UHRF2: variants seen among roughly 807,000 people sequenced by gnomAD.
The protein encoded by UHRF2 is E3 ubiquitin-protein ligase UHRF2.
A neutral mutation model predicts 96.8 loss-of-function variants in UHRF2; 23 were observed. That is an observed-to-expected ratio of 0.24 (90% CI 0.17 to 0.34). The LOEUF (loss-of-function observed/expected upper bound fraction) is 0.34, where lower values mean the gene tolerates loss of function less well. Among genes scored for constraint, UHRF2 ranks in the 10% least tolerant of loss-of-function variants. UHRF2 has a pLI of 1.00. For synonymous variants in UHRF2, 385 were observed against 332.6 expected (o/e 1.16, Z -1.72); for missense variants, 685 against 981.5 (o/e 0.70, Z 4.04).
chr9:6,484,622 G>A (rs1360190792), intron 8 of UHRF2: 1 of 145,894 alleles, frequency 6.9e-6, no homozygotes, highest in African/African-American at 2.5e-5. Flanking sequence ...ATATTGCCCA[G>A]ACTGATCTTG....
At chr9:6,489,443 C>G (rs1297711747) in intron 9 of UHRF2, among the ~76,000 whole-genome samples, 2 of 152,188 alleles carry the variant, frequency 1.3e-5, no homozygotes, top group Admixed American at 6.5e-5. Context: ...AGTGCAATTC[C>G]TGGGTCATAT....
intron 9 of UHRF2, among the ~76,000 whole-genome samples, chr9:6,488,611 C>T (rs547777060): frequency 1.4e-5 from 2 of 142,516 alleles, no homozygotes. Context: ...GCAATGGCGC[C>T]ATCTCAGTTC....
At position 6,413,657 on chromosome 9, in the gene UHRF2, G is replaced by C. The variant is rs1819419432; in HGVS notation, c.153+14G>C. The stretch of plus-strand genomic sequence containing the variant: ...CGGGGCAAGCAGGTGAGGCGCGCCC[G>C]CCGCGCCCCTAGCGAGGCTGGGGGC... On this transcript the variant is annotated intron_variant, in intron 1 of 15. Transcript: ENST00000276893. 1 of 1,563,846 alleles carries C rather than the reference G, an allele frequency of 6.4e-7. No homozygotes were observed. Among genetic ancestry groups the C allele is most frequent in the Non-Finnish European group, 8.6e-7 (1 of 1,158,324 alleles).
intron 10 of UHRF2, chr9:6,495,499 G>A (rs1448756070): frequency 6.6e-6 from 1 of 152,232 alleles, no homozygotes; most frequent in Non-Finnish European, 1.5e-5. Context: ...TTGCCCAGTA[G>A]TGTATGGTTG....
At chr9:6,458,683 A>G (rs1194226167) in intron 3 of UHRF2, among the ~76,000 whole-genome samples, 3 of 152,178 alleles carry the variant, frequency 2.0e-5, no homozygotes, top group Non-Finnish European at 1.5e-5. Flanking sequence ...AGAACCAGAA[A>G]TACCATTTGA....
Position 6,500,593 on chromosome 9 carries a change from T to G in UHRF2, c.2047T>G (p.Ser683Ala), listed in dbSNP as rs2130970028. ...CTCCAAAGTGTACAAAGCATCAGATTCAGCAGAAGCAATTGAGGCTTTTCA... is the reference window on the plus strand; with the variant it reads ...CTCCAAAGTGTACAAAGCATCAGATGCAGCAGAAGCAATTGAGGCTTTTCA... ...SASKVYKASD[S>A]AEAIEAFQLT... Residue 683 changes from serine (S) to alanine (A), a missense_variant, in exon 14 of 16, where the codon TCA (serine) becomes GCA (alanine). Physicochemically the swap from Ser to Ala is moderately conservative, Grantham distance 99. Transcript: ENST00000276893. 6.2e-7 allele frequency: 1 copy of G among 1,613,454 alleles called. No individual in the cohort carries two copies. Among genetic ancestry groups the G allele is most frequent in the East Asian group, 2.2e-5 (1 of 44,864 alleles).
rs571738484 is a variant in UHRF2 at position 6,486,089 on chromosome 9, A to G, written c.1393-732A>G. 8.4e-4 allele frequency among the ~76,000 whole-genome samples: 128 copies of G among 152,328 alleles called. 1 individual carries two copies. Among genetic ancestry groups the G allele is most frequent in the African/African-American group, 3.0e-3 (125 of 41,580 alleles). ...GATAGGAGCCATATTTAGAGAGGGT[A>G]ATAAATCATGTTGACTTGGGTTTGA... On this transcript the variant is annotated intron_variant, in intron 8 of 15. Transcript: ENST00000276893.
At chr9:6,459,519 A>G (rs892234559) in intron 3 of UHRF2, among the ~76,000 whole-genome samples, 3 of 152,164 alleles carry the variant, frequency 2.0e-5, no homozygotes, top group Admixed American at 6.5e-5. Context: ...AAATTCAAAA[A>G]TTAACCAGGA....
At chr9:6,485,353 A>C (rs976998422) in intron 8 of UHRF2, among the ~76,000 whole-genome samples, 5 of 151,752 alleles carry the variant, frequency 3.3e-5, no homozygotes, top group African/African-American at 1.2e-4. Context: ...TCACGTATTT[A>C]TTTTCTAAAC....
chr9:6,437,860 A>G (rs1335000373), intron 3 of UHRF2, among the ~76,000 whole-genome samples: 1 of 151,572 alleles, frequency 6.6e-6, no homozygotes, highest in East Asian at 2.0e-4. Context: ...TCAAACACCC[A>G]CCTTAGCCTC....
At chr9:6,436,174 C>T (rs1298943369) in intron 3 of UHRF2, among the ~76,000 whole-genome samples, 1 of 151,978 alleles carries the variant, frequency 6.6e-6, no homozygotes, top group Non-Finnish European at 1.5e-5. Flanking sequence ...TTTTTCATAC[C>T]ACAAAACAGT....
chr9:6,441,950 G>A (rs901684777), intron 3 of UHRF2, among the ~76,000 whole-genome samples: 1 of 152,042 alleles, frequency 6.6e-6, no homozygotes, highest in East Asian at 1.9e-4. Flanking sequence ...TTGAGTGGGG[G>A]AAATACTATG....
intron 3 of UHRF2, among the ~76,000 whole-genome samples, chr9:6,439,277 C>G (rs1046440891): frequency 2.0e-5 from 3 of 152,110 alleles, no homozygotes; most frequent in Admixed American, 2.0e-4. Flanking sequence ...TTCTGTCTCC[C>G]GGGTTCAAAC....
intron 1 of UHRF2, among the ~76,000 whole-genome samples, chr9:6,420,196 C>T (rs1476356288): frequency 2.6e-5 from 4 of 151,880 alleles, no homozygotes; most frequent in Non-Finnish European, 4.4e-5. Context: ...AGTGGGATTA[C>T]AGGTGCGTAC....
intron 2 of UHRF2, among the ~76,000 whole-genome samples, chr9:6,432,945 A>ATTCT (rs1346247917): frequency 6.6e-6 from 1 of 151,630 alleles, no homozygotes; most frequent in Non-Finnish European, 1.5e-5. Flanking sequence ...GGTTCAAGTG[A>ATTCT]TTCTCCTGCC....
chr9:6,414,988 G>T (rs183376825), intron 1 of UHRF2, among the ~76,000 whole-genome samples: 48 of 152,286 alleles, frequency 3.2e-4, no homozygotes, highest in African/African-American at 1.1e-3. Context: ...GCTTTGCTGT[G>T]CCTCAAGTGG....
intron 4 of UHRF2, among the ~76,000 whole-genome samples, chr9:6,469,910 A>T (rs1823137581): frequency 6.6e-6 from 1 of 152,084 alleles, no homozygotes; most frequent in African/African-American, 2.4e-5. Flanking sequence ...GTTCAGGTCA[A>T]AGAAGTTCTG....
At chr9:6,464,735 T>A (rs1055873921) in intron 4 of UHRF2, among the ~76,000 whole-genome samples, 2 of 152,236 alleles carry the variant, frequency 1.3e-5, no homozygotes, top group Non-Finnish European at 2.9e-5. Flanking sequence ...TGAATCCTTT[T>A]GACTTCTCTA....
rs1396026357 is a variant in UHRF2 at position 6,421,055 on chromosome 9, A to G, written c.297A>G (p.Val99=). The G allele has an allele frequency of 1.2e-6, 2 of 1,614,212 alleles. No homozygotes were observed. Among genetic ancestry groups the G allele is most frequent in the South Asian group, 1.1e-5 (1 of 91,080 alleles). The change falls in exon 2 of 16, where the codon GTA becomes GTG. Residue 99 remains valine (V), a synonymous_variant. Coordinates refer to ENST00000276893, the MANE Select transcript of UHRF2 (RefSeq NM_152896.3). ...CCTGTTCTAATAGTCCACCTAAAGT[A>G]AAGAAAGCTCCGAGGGTAGGACCTT... The part of the protein sequence containing the change: ...AKPCSNSPPK[V]KKAPRVGPSN...
Sources: allele counts gnomAD v4.1 joint callset (sites outside exome capture counted in the v4.1 genomes callset), GRCh38; gene constraint gnomAD v4.1.1; transcripts MANE v1.5; gene names NCBI Gene and HGNC (gene_info 2026-07-23, HGNC 2026-07-21).